Variants in ADCY2 observed in about 807,000 individuals in gnomAD.
ADCY2 encodes adenylate cyclase 2.
Under a neutral mutation model 125.2 loss-of-function variants are expected in ADCY2, and 31 were observed. The observed-to-expected ratio is 0.25, with a 90% CI of 0.19 to 0.33. ADCY2 has a LOEUF of 0.33. Ranked by LOEUF, ADCY2 falls within the 10% of genes least tolerant of loss-of-function variation. The pLI, the probability that ADCY2 is intolerant of heterozygous loss-of-function variation, is 1.00. For synonymous variants in ADCY2, 512 were observed against 548.4 expected, an observed-to-expected ratio of 0.93 and a Z score of 0.93; for missense variants, 904 against 1,418.2, an observed-to-expected ratio of 0.64 and a Z score of 5.82.
chr5:7,772,487 C>A (rs1743585333), intron 17 of ADCY2, among the ~76,000 whole-genome samples: 1 of 152,136 alleles, frequency 6.6e-6, no homozygotes, highest in East Asian at 1.9e-4. Context: ...ATGCTTTTAA[C>A]AGAGCTATCT....
At chr5:7,523,170 C>T (rs1273767660) in intron 3 of ADCY2, among the ~76,000 whole-genome samples, 1 of 152,024 alleles carries the variant, frequency 6.6e-6, no homozygotes, top group African/African-American at 2.4e-5. Context: ...GTTTTAATAC[C>T]TGTCTGTAAG....
chr5:7,701,120 AC>A (rs1741064246), intron 7 of ADCY2, among the ~76,000 whole-genome samples: 1 of 152,090 alleles, frequency 6.6e-6, no homozygotes, highest in African/African-American at 2.4e-5. Flanking sequence ...CAAATTTGTA[AC>A]CTGCTGCTGG....
chr5:7,476,167 A>G (rs1449821854), intron 2 of ADCY2, among the ~76,000 whole-genome samples: 1 of 152,156 alleles, frequency 6.6e-6, no homozygotes, highest in Non-Finnish European at 1.5e-5. Flanking sequence ...CATTTTCCAC[A>G]TTCAGTGAAT....
At chr5:7,611,179 G>A (rs1737562035) in intron 3 of ADCY2, 2 of 152,178 alleles carry the variant, frequency 1.3e-5, no homozygotes, top group African/African-American at 4.8e-5. Flanking sequence ...TTAAACTGTA[G>A]GTAAACTCTT....
intron 17 of ADCY2, among the ~76,000 whole-genome samples, chr5:7,771,304 C>G (rs1306219265): frequency 6.6e-6 from 1 of 152,166 alleles, no homozygotes; most frequent in Non-Finnish European, 1.5e-5. Flanking sequence ...TTTTCCTGTT[C>G]TCTGTCGTGG....
intron 2 of ADCY2, among the ~76,000 whole-genome samples, chr5:7,476,437 A>C (rs1489306928): frequency 6.6e-6 from 1 of 152,196 alleles, no homozygotes; most frequent in Non-Finnish European, 1.5e-5. Flanking sequence ...GCGATGCCAG[A>C]GTGGTCAACA....
chr5:7,738,286 C>G (rs1197899865), intron 14 of ADCY2, among the ~76,000 whole-genome samples: 1 of 151,834 alleles, frequency 6.6e-6, no homozygotes, highest in East Asian at 1.9e-4. Flanking sequence ...TGCCAAATAA[C>G]TAATGATAAG....
At chr5:7,439,529 TAC>T (rs66460653) in intron 2 of ADCY2, among the ~76,000 whole-genome samples, 5,854 of 148,750 alleles carry the variant, frequency 0.039, 129 homozygotes, top group South Asian at 0.072. Context: ...TGGGTTAAGA[TAC>T]ACACACACAC....
intron 7 of ADCY2, among the ~76,000 whole-genome samples, chr5:7,700,922 A>G (rs148493702): frequency 1.4e-3 from 217 of 152,046 alleles, no homozygotes; most frequent in East Asian, 3.9e-3. Context: ...TCCTACACAA[A>G]ATGCATAGTG....
At chr5:7,536,882 G>A (rs1433377306) in intron 3 of ADCY2, among the ~76,000 whole-genome samples, 1 of 152,136 alleles carries the variant, frequency 6.6e-6, no homozygotes, top group Non-Finnish European at 1.5e-5. Context: ...TAGGTGATGG[G>A]TTGATGGGTG....
chr5:7,586,562 G>T (rs1221049562), intron 3 of ADCY2, among the ~76,000 whole-genome samples: 1 of 152,046 alleles, frequency 6.6e-6, no homozygotes. Context: ...ATTTGCTGCA[G>T]GTCTTCATTT....
chr5:7,692,882 T>C (rs1042477060), intron 5 of ADCY2, among the ~76,000 whole-genome samples: 5 of 152,184 alleles, frequency 3.3e-5, no homozygotes, highest in Admixed American at 6.5e-5. Context: ...TCTGGGACTT[T>C]AATTCCCACC....
chr5:7,612,733 G>A (rs944944297), intron 3 of ADCY2, among the ~76,000 whole-genome samples: 2 of 152,172 alleles, frequency 1.3e-5, no homozygotes, highest in Non-Finnish European at 1.5e-5. Flanking sequence ...GACTGCACAC[G>A]AGGCCGGGCT....
intron 3 of ADCY2, among the ~76,000 whole-genome samples, chr5:7,606,607 C>A (rs943685930): frequency 6.6e-6 from 1 of 152,082 alleles, no homozygotes; most frequent in Non-Finnish European, 1.5e-5. Flanking sequence ...GAAGTGTGAT[C>A]CCCTCATTAA....
intron 15 of ADCY2, among the ~76,000 whole-genome samples, chr5:7,751,738 C>A (rs763667080): frequency 1.3e-5 from 2 of 152,090 alleles, no homozygotes; most frequent in Non-Finnish European, 2.9e-5. Flanking sequence ...CAGCTGTCCA[C>A]GTTTGGCTGG....
intron 1 of ADCY2, among the ~76,000 whole-genome samples, chr5:7,406,065 G>A (rs1276056774): frequency 6.6e-6 from 1 of 151,210 alleles, no homozygotes; most frequent in Admixed American, 6.6e-5. Flanking sequence ...TTGCCATATT[G>A]CCCAGGCTGG....
intron 2 of ADCY2, among the ~76,000 whole-genome samples, chr5:7,504,832 T>C (rs1470509403): frequency 6.6e-6 from 1 of 151,106 alleles, no homozygotes; most frequent in East Asian, 2.0e-4. Context: ...TTATTATTAT[T>C]ATTATTTTTT....
chr5:7,684,454 A>T (rs967826826), intron 4 of ADCY2, among the ~76,000 whole-genome samples: 1 of 152,230 alleles, frequency 6.6e-6, no homozygotes, highest in Non-Finnish European at 1.5e-5. Context: ...TTGACTGTTG[A>T]TGATAAACAG....
At chr5:7,570,437 C>T (rs1004145545) in intron 3 of ADCY2, among the ~76,000 whole-genome samples, 1 of 151,972 alleles carries the variant, frequency 6.6e-6, no homozygotes, top group African/African-American at 2.4e-5. Context: ...TAAGTCTAGG[C>T]AACATTGAGC....
Sources: allele counts gnomAD v4.1 joint callset (sites outside exome capture counted in the v4.1 genomes callset), GRCh38; gene constraint gnomAD v4.1.1; transcripts MANE v1.5; gene names NCBI Gene and HGNC (gene_info 2026-07-23, HGNC 2026-07-21).